SLC39A11: variants seen among roughly 807,000 people sequenced by gnomAD.
The protein encoded by SLC39A11 is zinc transporter ZIP11.
SLC39A11 carries 33 observed loss-of-function variants against 36.1 expected under a neutral mutation model. The observed-to-expected ratio is 0.91, with a 90% CI of 0.69 to 1.22. The LOEUF (loss-of-function observed/expected upper bound fraction) is 1.22, where lower values mean the gene tolerates loss of function less well. Among genes scored for constraint, SLC39A11 ranks in the 50% most tolerant of loss-of-function variants. SLC39A11 has a pLI of 0.00. For synonymous variants in SLC39A11, 166 were observed against 170.3 expected (o/e 0.97, Z 0.20); for missense variants, 432 against 430.3 (o/e 1.00, Z -0.03).
chr17:72,756,511 C>T (rs2075367689), intron 6 of SLC39A11, among the ~76,000 whole-genome samples: 1 of 152,228 alleles, frequency 6.6e-6, no homozygotes, highest in Admixed American at 6.5e-5. Context: ...GAATATTATG[C>T]TGAGTGAAAT....
chr17:73,052,548 G>A (rs2059540109), intron 3 of SLC39A11, among the ~76,000 whole-genome samples: 1 of 152,122 alleles, frequency 6.6e-6, no homozygotes, highest in African/African-American at 2.4e-5. Context: ...CCAGCCAGGG[G>A]AACTATTAAA....
intron 6 of SLC39A11, among the ~76,000 whole-genome samples, chr17:72,772,472 T>G (rs1369926513): frequency 1.3e-5 from 2 of 152,170 alleles, no homozygotes; most frequent in Non-Finnish European, 2.9e-5. Flanking sequence ...TATCTCTCCG[T>G]TAATCCGGAA....
intron 7 of SLC39A11, among the ~76,000 whole-genome samples, chr17:72,673,632 T>C (rs1010192378): frequency 1.3e-5 from 2 of 152,238 alleles, no homozygotes; most frequent in East Asian, 1.9e-4. Context: ...GGTGTGGTTA[T>C]GTAATTCATT....
intron 6 of SLC39A11, among the ~76,000 whole-genome samples, chr17:72,765,727 T>C (rs533454902): frequency 6.6e-6 from 1 of 152,148 alleles, no homozygotes; most frequent in Non-Finnish European, 1.5e-5. Context: ...AATGGCGAGG[T>C]GGCTATTTTT....
chr17:72,777,258 C>G (rs1228304642), intron 6 of SLC39A11, among the ~76,000 whole-genome samples: 1 of 152,122 alleles, frequency 6.6e-6, no homozygotes, highest in Non-Finnish European at 1.5e-5. Context: ...CCTGCCAGGT[C>G]AAAGGGGACT....
intron 6 of SLC39A11, among the ~76,000 whole-genome samples, chr17:72,761,291 ATTTAGTAGAGATGGAT>A (rs552006819): frequency 5.3e-4 from 81 of 151,880 alleles, no homozygotes; most frequent in African/African-American, 1.8e-3. Flanking sequence ...ATTTTTGTAT[ATTTAGTAGAGATGGAT>A]TTTCACCATG....
At chr17:72,767,333 G>C (rs2075791946) in intron 6 of SLC39A11, among the ~76,000 whole-genome samples, 1 of 152,206 alleles carries the variant, frequency 6.6e-6, no homozygotes, top group Non-Finnish European at 1.5e-5. Context: ...CAGAGAAATG[G>C]TCCCAGAAGT....
intron 1 of SLC39A11, among the ~76,000 whole-genome samples, chr17:73,091,596 A>G (rs1362207668): frequency 1.3e-5 from 2 of 149,672 alleles, no homozygotes; most frequent in East Asian, 3.9e-4. Context: ...TCTCAAGAGA[A>G]GAAAAAGTTT....
At chr17:73,017,500 G>C (rs1272865359) in intron 4 of SLC39A11, among the ~76,000 whole-genome samples, 1 of 152,168 alleles carries the variant, frequency 6.6e-6, no homozygotes, top group Non-Finnish European at 1.5e-5. Context: ...ATCACCTGAG[G>C]TTAGGAGTTC....
chr17:72,694,628 G>A (rs996418186), intron 7 of SLC39A11, among the ~76,000 whole-genome samples: 1 of 152,204 alleles, frequency 6.6e-6, no homozygotes, highest in Admixed American at 6.5e-5. Flanking sequence ...GCTAAGGAAT[G>A]GTGGCCAGAA....
At chr17:72,670,462 T>G (rs767675760) in intron 7 of SLC39A11, among the ~76,000 whole-genome samples, 1 of 152,222 alleles carries the variant, frequency 6.6e-6, no homozygotes, top group Non-Finnish European at 1.5e-5. Flanking sequence ...ACAGCAATTA[T>G]TACTGTGGTA....
At chr17:72,886,152 A>G (rs1386245405) in intron 5 of SLC39A11, among the ~76,000 whole-genome samples, 2 of 152,040 alleles carry the variant, frequency 1.3e-5, no homozygotes, top group African/African-American at 4.8e-5. Context: ...CCGATTTCCA[A>G]ATGGAGGACC....
At chr17:72,827,274 A>G (rs750970196) in intron 6 of SLC39A11, among the ~76,000 whole-genome samples, 2 of 152,260 alleles carry the variant, frequency 1.3e-5, no homozygotes, top group African/African-American at 4.8e-5. Context: ...TTTATATGAA[A>G]TGTTCAGAAT....
intron 7 of SLC39A11, among the ~76,000 whole-genome samples, chr17:72,658,495 T>C (rs971768951): frequency 2.6e-5 from 4 of 152,198 alleles, no homozygotes; most frequent in African/African-American, 7.2e-5. Flanking sequence ...TGACCCTGTT[T>C]CGCCCCAGGG....
chr17:72,744,906 A>G (rs1043290479), intron 6 of SLC39A11, among the ~76,000 whole-genome samples: 4 of 152,114 alleles, frequency 2.6e-5, no homozygotes, highest in Admixed American at 1.3e-4. Flanking sequence ...CAGTGGCACA[A>G]TCTCAGCTCA....
In SLC39A11 at chr17:73,090,656, T is replaced by C. The variant is rs140069387; in HGVS notation, c.-11-1881A>G. ...TTTCTTTCCTGTATTTGAATGTGCC[T>C]CTTGACAGCTACAGAAGAGAGCAAA... is the stretch of plus-strand genomic sequence containing the variant. On this transcript the variant is annotated intron_variant, in intron 1 of 9. Coordinates refer to ENST00000255559, the MANE Select transcript of SLC39A11 (RefSeq NM_139177.4). Among the ~76,000 whole-genome samples, 446 of 152,288 alleles carry C rather than the reference T, an allele frequency of 2.9e-3. 3 individuals carry two copies. Among genetic ancestry groups the C allele is most frequent in the African/African-American group, 0.01 (423 of 41,566 alleles).
chr17:72,885,275 A>G (rs1224315775), intron 5 of SLC39A11, among the ~76,000 whole-genome samples: 1 of 152,194 alleles, frequency 6.6e-6, no homozygotes, highest in Non-Finnish European at 1.5e-5. Context: ...CGCTTTCTGC[A>G]TACTCAACTC....
intron 6 of SLC39A11, among the ~76,000 whole-genome samples, chr17:72,741,627 G>T (rs1162542652): frequency 6.6e-6 from 1 of 152,118 alleles, no homozygotes; most frequent in Non-Finnish European, 1.5e-5. Flanking sequence ...GAGCCTAGAG[G>T]CCTAATGTGG....
intron 6 of SLC39A11, among the ~76,000 whole-genome samples, chr17:72,797,828 G>C (rs999232464): frequency 6.6e-6 from 1 of 152,144 alleles, no homozygotes; most frequent in African/African-American, 2.4e-5. Context: ...GCCTCTGGGG[G>C]ATGCTTCGTG....
Sources: allele counts gnomAD v4.1 joint callset (sites outside exome capture counted in the v4.1 genomes callset), GRCh38; gene constraint gnomAD v4.1.1; transcripts MANE v1.5; gene names NCBI Gene and HGNC (gene_info 2026-07-23, HGNC 2026-07-21).